The following SNX10 variants were observed in gnomAD, a reference collection of about 807,000 sequenced individuals.
The protein encoded by SNX10 is sorting nexin 10.
SNX10 carries 25 observed loss-of-function variants against 28.5 expected under a neutral mutation model. The observed-to-expected ratio is 0.88, with a 90% CI of 0.64 to 1.22. SNX10 has a LOEUF of 1.22. SNX10 is among the 50% of genes most tolerant of loss of function. SNX10 has a pLI of 0.00. For missense variants in SNX10, 223 were observed against 242.6 expected (o/e 0.92, Z 0.54); for synonymous variants, 62 against 81.4 (o/e 0.76, Z 1.28).
intron 1 of SNX10, among the ~76,000 whole-genome samples, chr7:26,340,283 C>T (rs1788131144): frequency 1.3e-5 from 2 of 152,148 alleles, no homozygotes; most frequent in South Asian, 4.1e-4. Flanking sequence ...AAACTACTGC[C>T]ACCAGTTTTT....
chr7:26,299,427 A>G (rs943964586), intron 1 of SNX10, among the ~76,000 whole-genome samples: 1 of 151,514 alleles, frequency 6.6e-6, no homozygotes, highest in African/African-American at 2.4e-5. Context: ...CTTGTGATCC[A>G]CCTGCCTCAG....
intron 1 of SNX10, among the ~76,000 whole-genome samples, chr7:26,333,077 T>C (rs1328446788): frequency 6.6e-6 from 1 of 152,172 alleles, no homozygotes; most frequent in Non-Finnish European, 1.5e-5. Context: ...TTCCTATGAA[T>C]TTTAAAATCA....
intron 5 of SNX10, among the ~76,000 whole-genome samples, chr7:26,369,239 T>C (rs1789411266): frequency 6.6e-6 from 1 of 152,208 alleles, no homozygotes; most frequent in Non-Finnish European, 1.5e-5. Flanking sequence ...TTTTACAAAG[T>C]ACTCTTTATA....
chr7:26,357,070 T>TA, intron 2 of SNX10: 3 of 1,228,208 alleles, frequency 2.4e-6, no homozygotes, highest in Non-Finnish European at 3.2e-6. Context: ...ATTCAAGTCT[T>TA]ACAAGACAGC....
At chr7:26,319,017 C>T (rs1787207818) in intron 1 of SNX10, among the ~76,000 whole-genome samples, 1 of 152,160 alleles carries the variant, frequency 6.6e-6, no homozygotes, top group Admixed American at 6.5e-5. Context: ...CAAACCTGAA[C>T]TCTAAACTTT....
chr7:26,360,901 G>C (rs1789036561), intron 2 of SNX10, 74 bp from the exon 3 acceptor site: 1 of 1,581,758 alleles, frequency 6.3e-7, no homozygotes, highest in African/African-American at 1.4e-5. Context: ...TTTTAGTGCA[G>C]TCGTTTTGTT....
chr7:26,347,812 T>C (rs1052478660), intron 2 of SNX10, among the ~76,000 whole-genome samples: 1 of 152,252 alleles, frequency 6.6e-6, no homozygotes, highest in South Asian at 2.1e-4. Flanking sequence ...ATCATGCCAC[T>C]GCACTCCAGC....
intron 1 of SNX10, among the ~76,000 whole-genome samples, chr7:26,298,331 G>A (rs1045408095): frequency 3.9e-4 from 60 of 152,170 alleles, no homozygotes; most frequent in Non-Finnish European, 1.3e-4. Flanking sequence ...TATGGGCAAA[G>A]GCTATTCATA....
chr7:26,342,480 G>T (rs1298656587), intron 1 of SNX10, among the ~76,000 whole-genome samples: 1 of 152,062 alleles, frequency 6.6e-6, no homozygotes, highest in Non-Finnish European at 1.5e-5. Flanking sequence ...ACTTTCTCTT[G>T]TGTCATAAAG....
At position 26,314,994 on chromosome 7, in the gene SNX10, T is replaced by TCAAAACAAAACAAAA. The variant is rs57952868; in HGVS notation, c.-24+22909_-24+22923dup. ...GCCTGGGTGACCAAGTGAGACTGTC[T>TCAAAACAAAACAAAA]CAAAACAAAACAAAAAAACAACCAA... On this transcript the variant is annotated intron_variant, in intron 1 of 6. Coordinates refer to ENST00000338523, the MANE Select transcript of SNX10 (RefSeq NM_013322.3). Among the ~76,000 whole-genome samples the TCAAAACAAAACAAAA allele has an allele frequency of 5.5e-3, 838 of 151,668 alleles. 12 individuals are homozygous for TCAAAACAAAACAAAA. The highest frequency in any genetic ancestry group is 0.019 in the African/African-American group (775 of 41,286).
Position 26,325,306 on chromosome 7 carries a change from AATATATAT to A in SNX10, c.-23-21099_-23-21092del, listed in dbSNP as rs149785859. 5.4e-3 allele frequency among the ~76,000 whole-genome samples: 277 copies of A among 51,340 alleles called. 31 individuals are homozygous for A. The highest frequency in any genetic ancestry group is 0.013 in the African/African-American group (254 of 19,634). The allele number at this position is 51,340 out of a possible 152,430, so 33.7% of individuals were successfully genotyped here. On this transcript the variant is annotated intron_variant, in intron 1 of 6. Coordinates refer to ENST00000338523, the MANE Select transcript of SNX10 (RefSeq NM_013322.3). Reference sequence around the variant, plus strand: ...AATTTTTTTCTACTGAAGTTTGCAAAATATATATATATATATATATATTTGAGATGGAG... The same window carrying A: ...AATTTTTTTCTACTGAAGTTTGCAAAATATATATATATATTTGAGATGGAG...
chr7:26,302,925 G>A (rs1393588123), intron 1 of SNX10, among the ~76,000 whole-genome samples: 3 of 152,044 alleles, frequency 2.0e-5, no homozygotes, highest in Admixed American at 6.6e-5. Context: ...CAGCCTGGGC[G>A]ACAGAGTGAG....
At chr7:26,347,497 G>A (rs948077773) in intron 2 of SNX10, among the ~76,000 whole-genome samples, 4 of 152,108 alleles carry the variant, frequency 2.6e-5, no homozygotes, top group Non-Finnish European at 4.4e-5. Flanking sequence ...CCAAGATTAC[G>A]CCACCACACT....
intron 1 of SNX10, among the ~76,000 whole-genome samples, chr7:26,323,967 T>G (rs79571614): frequency 0.066 from 10,108 of 152,262 alleles, 443 homozygotes; most frequent in East Asian, 0.18. Flanking sequence ...ACTGCCGTGT[T>G]CATGAAAGGA....
chr7:26,307,204 C>G (rs1786634288), intron 1 of SNX10, among the ~76,000 whole-genome samples: 1 of 152,162 alleles, frequency 6.6e-6, no homozygotes, highest in African/African-American at 2.4e-5. Context: ...ATCTGCATCC[C>G]TGTATCCTTT....
At chr7:26,302,412 G>A (rs1786406372) in intron 1 of SNX10, among the ~76,000 whole-genome samples, 1 of 152,084 alleles carries the variant, frequency 6.6e-6, no homozygotes, top group East Asian at 1.9e-4. Context: ...GTGACAATGG[G>A]GGCCACCTCT....
chr7:26,344,175 ATTTTTTT>A (rs35200460), intron 1 of SNX10, among the ~76,000 whole-genome samples: 2 of 114,110 alleles, frequency 1.8e-5, no homozygotes, highest in Admixed American at 2.0e-4. Context: ...CTGTCTCTGA[ATTTTTTT>A]TTTTTTTTTT....
chr7:26,365,112 AG>A lies in SNX10; in HGVS notation c.279del (p.Gln93HisfsTer33). On this transcript the variant is annotated frameshift_variant, in exon 5 of 7. Transcript: ENST00000338523. LOFTEE classifies it high-confidence loss of function. ...FNMNNRQHVD[Q>X]RRQGLEDFLR... ...ATGAACAATCGCCAGCACGTGGATC[AG>A]CGTCGCCAGGGTCTGGAAGATTTCC... The A allele has an allele frequency of 6.2e-7, 1 of 1,613,074 alleles. No homozygotes were observed. Among genetic ancestry groups the A allele is most frequent in the Non-Finnish European group, 8.5e-7 (1 of 1,179,040 alleles).
chr7:26,345,540 G>A (rs893966233), intron 1 of SNX10, among the ~76,000 whole-genome samples: 8 of 152,126 alleles, frequency 5.3e-5, no homozygotes, highest in African/African-American at 1.7e-4. Flanking sequence ...ACCTCCACAC[G>A]GCCCTGGAAG....
Sources: allele counts gnomAD v4.1 joint callset (sites outside exome capture counted in the v4.1 genomes callset), GRCh38; gene constraint gnomAD v4.1.1; transcripts MANE v1.5; gene names NCBI Gene and HGNC (gene_info 2026-07-23, HGNC 2026-07-21).